The following TLCD4 variants were observed in gnomAD, a reference collection of about 807,000 sequenced individuals.
TLCD4 encodes the protein TLC domain-containing protein 4.
A neutral mutation model predicts 24.2 loss-of-function variants in TLCD4; 7 were observed. The observed-to-expected ratio is 0.29, with a 90% CI of 0.16 to 0.54. TLCD4 has a LOEUF of 0.54. Among genes scored for constraint, TLCD4 ranks in the 20% least tolerant of loss-of-function variants. The probability of loss-of-function intolerance (pLI) is 0.95; values close to 1 mark genes in which losing one functional copy is unlikely to be tolerated. For synonymous variants in TLCD4, 103 were observed against 106.4 expected, an observed-to-expected ratio of 0.97 and a Z score of 0.20; for missense variants, 259 against 313.9, an observed-to-expected ratio of 0.82 and a Z score of 1.32.
intron 1 of TLCD4, among the ~76,000 whole-genome samples, chr1:95,119,954 TAAGG>T (rs1384790967): frequency 3.3e-5 from 5 of 152,136 alleles, no homozygotes; most frequent in Non-Finnish European, 5.9e-5. Context: ...GCTTTTCTGT[TAAGG>T]AAGATAATGA....
At chr1:95,175,665 T>C (rs1269462689) in intron 6 of TLCD4, among the ~76,000 whole-genome samples, 1 of 152,246 alleles carries the variant, frequency 6.6e-6, no homozygotes, top group Non-Finnish European at 1.5e-5. Context: ...GCACAAGGGT[T>C]CTGATTTCTT....
In TLCD4 at chr1:95,191,738, T is replaced by C; in HGVS notation, c.662T>C (p.Ile221Thr). Residue 221 changes from isoleucine (I) to threonine (T), a missense_variant, in exon 7 of 7, where the codon ATT becomes ACT. Coordinates refer to ENST00000370203, the MANE Select transcript of TLCD4 (RefSeq NM_152487.3). Reference protein sequence around the residue: ...LGVLIQLSWVISCVVLDVMNV... With the variant: ...LGVLIQLSWVTSCVVLDVMNV... ...GTTTTAATCCAGTTATCCTGGGTCATTAGTTGTGTTGTTTTGGATGTGATG... is the reference window on the plus strand; with the variant it reads ...GTTTTAATCCAGTTATCCTGGGTCACTAGTTGTGTTGTTTTGGATGTGATG... 1.2e-6 allele frequency: 2 copies of C among 1,614,142 alleles called. No homozygotes were observed. The highest frequency in any genetic ancestry group is 1.7e-6 in the Non-Finnish European group (2 of 1,180,012).
chr1:95,179,915 C>A (rs1462723824), intron 6 of TLCD4, among the ~76,000 whole-genome samples: 1 of 152,216 alleles, frequency 6.6e-6, no homozygotes, highest in African/African-American at 2.4e-5. Flanking sequence ...TCTTTCCAGG[C>A]TGAATTGGGT....
chr1:95,169,595 T>C (rs2100983065), intron 5 of TLCD4, among the ~76,000 whole-genome samples: 1 of 152,204 alleles, frequency 6.6e-6, no homozygotes, highest in East Asian at 1.9e-4. Flanking sequence ...AGTAATCTTT[T>C]AAATTCTCAA....
At chr1:95,152,444 A>G (rs1217213690) in intron 5 of TLCD4, among the ~76,000 whole-genome samples, 3 of 152,076 alleles carry the variant, frequency 2.0e-5, no homozygotes. Flanking sequence ...TACTTATGTA[A>G]CCATTTAAGC....
intron 5 of TLCD4, among the ~76,000 whole-genome samples, chr1:95,158,870 G>A (rs1484030536): frequency 2.0e-5 from 3 of 152,122 alleles, no homozygotes; most frequent in Non-Finnish European, 4.4e-5. Flanking sequence ...GTATTCCATG[G>A]TGTATATGTG....
intron 1 of TLCD4, among the ~76,000 whole-genome samples, chr1:95,141,453 G>A (rs1045206666): frequency 1.3e-5 from 2 of 151,986 alleles, no homozygotes; most frequent in Non-Finnish European, 2.9e-5. Flanking sequence ...AGTCTTCAGG[G>A]GAAACCTCCT....
In TLCD4 at chr1:95,143,452, C is replaced by A. The variant is rs547704750; in HGVS notation, c.-11-439C>A. Among the ~76,000 whole-genome samples the A allele has an allele frequency of 6.6e-5, 10 of 151,916 alleles. No individual in the cohort carries two copies. The South Asian group carries it at 2.1e-3, about 32-fold the overall frequency. ...TTTGTTATTACAGGCAGTGTTAGTTCTATGGTTTTTGGCTTGATTGTTTCT... is the reference window on the plus strand; with the variant it reads ...TTTGTTATTACAGGCAGTGTTAGTTATATGGTTTTTGGCTTGATTGTTTCT... On this transcript the variant is annotated intron_variant, in intron 1 of 6. Transcript: ENST00000370203.
At chr1:95,179,233 C>T (rs1048931184) in intron 6 of TLCD4, among the ~76,000 whole-genome samples, 1 of 152,228 alleles carries the variant, frequency 6.6e-6, no homozygotes, top group Non-Finnish European at 1.5e-5. Flanking sequence ...CTCCATGTGG[C>T]CATACACGGA....
upstream of TLCD4, among the ~76,000 whole-genome samples, chr1:95,116,986 A>G (rs1482161613): frequency 6.6e-6 from 1 of 152,218 alleles, no homozygotes; most frequent in Non-Finnish European, 1.5e-5. Flanking sequence ...CTGATGATCT[A>G]ACCATGAAGT....
intron 1 of TLCD4, among the ~76,000 whole-genome samples, chr1:95,122,971 A>AT (rs879277117): frequency 1.1e-3 from 167 of 147,854 alleles, no homozygotes; most frequent in Middle Eastern, 7.0e-3. Flanking sequence ...TATGGACATG[A>AT]TTTTTTTTTT....
the TLCD4 span, among the ~76,000 whole-genome samples, chr1:95,103,157 T>G: frequency 6.6e-6 from 1 of 152,056 alleles, no homozygotes; most frequent in African/African-American, 2.4e-5. Context: ...TTTTATATTT[T>G]TAGTAGAGAC....
At chr1:95,125,978 G>A (rs572607891) in intron 1 of TLCD4, among the ~76,000 whole-genome samples, 13 of 115,032 alleles carry the variant, frequency 1.1e-4, no homozygotes, top group Middle Eastern at 4.3e-3. Context: ...ATAATGAGAC[G>A]CCATCTCTAT....
In TLCD4 at chr1:95,182,271, GT is replaced by G. The variant is rs536410589; in HGVS notation, c.473+8392del. Among the ~76,000 whole-genome samples the G allele has an allele frequency of 8.6e-5, 12 of 139,230 alleles. No individual in the cohort carries two copies. The East Asian group carries it at 1.1e-3, about 12-fold the overall frequency. The allele number at this position is 139,230 out of a possible 152,430, so 91.3% of individuals were successfully genotyped here. On this transcript the variant is annotated intron_variant, in intron 6 of 6. Coordinates refer to ENST00000370203, the MANE Select transcript of TLCD4 (RefSeq NM_152487.3). ...AAGCAATCATAGTTTATTGTTTTTT[GT>G]TTTTTTTTTCAAGTAAAAATGGCAG...
chr1:95,183,461 G>A (rs182626369), intron 6 of TLCD4, among the ~76,000 whole-genome samples: 1 of 152,302 alleles, frequency 6.6e-6, no homozygotes, highest in African/African-American at 2.4e-5. Context: ...GAGCTCGAGA[G>A]AGGAATGTTG....
chr1:95,137,446 A>T (rs1460937121), intron 1 of TLCD4, among the ~76,000 whole-genome samples: 2 of 152,106 alleles, frequency 1.3e-5, no homozygotes, highest in East Asian at 1.9e-4. Flanking sequence ...TCAGAAAATG[A>T]AGGAGAGGGG....
At chr1:95,176,230 C>T (rs149480428) in intron 6 of TLCD4, among the ~76,000 whole-genome samples, 69 of 146,338 alleles carry the variant, frequency 4.7e-4, no homozygotes, top group South Asian at 2.8e-3. Context: ...TTTGCTCCGT[C>T]GCCCAGTCTG....
At chr1:95,183,694 A>G (rs1015514406) in intron 6 of TLCD4, among the ~76,000 whole-genome samples, 6 of 151,988 alleles carry the variant, frequency 3.9e-5, no homozygotes, top group Admixed American at 3.3e-4. Flanking sequence ...ACAAAAAAGA[A>G]TTAGCTGGGT....
upstream of TLCD4, among the ~76,000 whole-genome samples, chr1:95,113,282 G>A (rs961286646): frequency 2.6e-5 from 4 of 152,118 alleles, no homozygotes; most frequent in Non-Finnish European, 5.9e-5. Flanking sequence ...CTAACCTCGG[G>A]TGATCTGCCT....
Sources: allele counts gnomAD v4.1 joint callset (sites outside exome capture counted in the v4.1 genomes callset), GRCh38; gene constraint gnomAD v4.1.1; transcripts MANE v1.5; gene names NCBI Gene and HGNC (gene_info 2026-07-23, HGNC 2026-07-21).